The following SUGCT variants were observed in gnomAD, a reference collection of about 807,000 sequenced individuals.
SUGCT encodes succinyl-CoA:glutarate-CoA transferase.
In SUGCT, 41 loss-of-function variants were observed where a neutral mutation model predicts 55.0. The ratio of observed to expected loss-of-function variants is 0.74; its 90% CI spans 0.58 to 0.97. SUGCT has a LOEUF of 0.97. Among genes scored for constraint, SUGCT ranks in the 50% least tolerant of loss-of-function variants. SUGCT has a pLI of 0.00. For missense variants in SUGCT, 568 were observed against 547.8 expected (o/e 1.04, Z -0.37); for synonymous variants, 187 against 200.4 (o/e 0.93, Z 0.56).
chr7:40,228,182 C>T (rs1788501954), intron 6 of SUGCT, among the ~76,000 whole-genome samples: 1 of 152,020 alleles, frequency 6.6e-6, no homozygotes, highest in South Asian at 2.1e-4. Context: ...TGCACCTGGT[C>T]TTTCTTTCTT....
At chr7:41,015,544 A>G in the SUGCT span, among the ~76,000 whole-genome samples, 2 of 152,210 alleles carry the variant, frequency 1.3e-5, no homozygotes, top group East Asian at 3.8e-4. Flanking sequence ...TGTATTTTTA[A>G]GGGCTTCCCA....
At chr7:40,496,520 C>A in intron 12 of SUGCT, 134 bp downstream of exon 12, 1 of 682,476 alleles carries the variant, frequency 1.5e-6, no homozygotes, top group Non-Finnish European at 2.6e-6. Context: ...GTTTGTGGGT[C>A]TGAGATAAAA....
chr7:40,563,283 T>C (rs577210017), intron 12 of SUGCT, among the ~76,000 whole-genome samples: 7 of 152,232 alleles, frequency 4.6e-5, no homozygotes, highest in Non-Finnish European at 8.8e-5. Context: ...CCTGCTTTTA[T>C]GGTAGCTGCT....
intron 12 of SUGCT, among the ~76,000 whole-genome samples, chr7:40,616,224 C>G (rs1262798196): frequency 6.6e-6 from 1 of 151,540 alleles, no homozygotes; most frequent in Non-Finnish European, 1.5e-5. Context: ...GAGATGGAGT[C>G]TTACTCTGTG....
chr7:40,182,280 G>C (rs1562558256), intron 3 of SUGCT, among the ~76,000 whole-genome samples: 2 of 152,110 alleles, frequency 1.3e-5, no homozygotes, highest in Non-Finnish European at 2.9e-5. Flanking sequence ...TTTGTTAGAA[G>C]CTGAGGCTGG....
intron 1 of SUGCT, among the ~76,000 whole-genome samples, chr7:40,149,351 T>C (rs963947678): frequency 2.0e-5 from 3 of 152,208 alleles, no homozygotes; most frequent in Non-Finnish European, 4.4e-5. Context: ...TTCCTGGGTG[T>C]AGGCTGAACT....
At chr7:40,449,254 A>C in intron 9 of SUGCT, 33 bp from the exon 10 acceptor site, 6 of 1,456,892 alleles carry the variant, frequency 4.1e-6, no homozygotes, top group Non-Finnish European at 5.7e-6. Context: ...TCAACATATA[A>C]ATAATATTTA....
the SUGCT span, among the ~76,000 whole-genome samples, chr7:40,903,290 C>A: frequency 6.6e-6 from 1 of 152,108 alleles, no homozygotes; most frequent in Admixed American, 6.5e-5. Context: ...CCAGGCAGAA[C>A]AGGTATCACT....
chr7:40,437,969 T>C (rs897670918), intron 9 of SUGCT, among the ~76,000 whole-genome samples: 1 of 152,124 alleles, frequency 6.6e-6, no homozygotes, highest in African/African-American at 2.4e-5. Context: ...TGAAGTAACT[T>C]AAGAAGATAA....
the SUGCT span, among the ~76,000 whole-genome samples, chr7:41,024,635 A>G: frequency 6.8e-6 from 1 of 147,182 alleles, no homozygotes; most frequent in African/African-American, 2.6e-5. Context: ...CAGCAATGAA[A>G]TGTCTCTTCA....
intron 12 of SUGCT, among the ~76,000 whole-genome samples, chr7:40,528,919 T>G (rs1373126668): frequency 1.3e-5 from 2 of 152,200 alleles, no homozygotes; most frequent in African/African-American, 4.8e-5. Flanking sequence ...ACCTTTTGTT[T>G]GCAAAAGCCA....
Position 40,469,856 on chromosome 7 carries a change from A to T in SUGCT, c.986+10658A>T, listed in dbSNP as rs550575997. On this transcript the variant is annotated intron_variant, in intron 11 of 13. Coordinates refer to ENST00000335693, the MANE Select transcript of SUGCT (RefSeq NM_001193313.2). ...GATGGGAGGGAGTCCAGTAAACTCT[A>T]TTTCCCTGGATAAAACATTTAATAC... Among the ~76,000 whole-genome samples the T allele has an allele frequency of 7.2e-5, 11 of 152,182 alleles. No homozygotes were observed. In the South Asian group the frequency reaches 2.1e-3, roughly 29 times the overall value.
chr7:40,245,143 C>G (rs947647946), intron 7 of SUGCT, among the ~76,000 whole-genome samples: 1 of 151,048 alleles, frequency 6.6e-6, no homozygotes, highest in African/African-American at 2.4e-5. Context: ...CAACCTTCGC[C>G]TCCCAGATTC....
the SUGCT span, among the ~76,000 whole-genome samples, chr7:40,990,343 A>C: frequency 6.6e-6 from 1 of 152,212 alleles, no homozygotes; most frequent in Non-Finnish European, 1.5e-5. Flanking sequence ...TAATAAAAGG[A>C]ATCTTTTTCT....
intron 12 of SUGCT, among the ~76,000 whole-genome samples, chr7:40,500,415 C>T (rs1196074962): frequency 2.0e-5 from 3 of 152,176 alleles, no homozygotes; most frequent in African/African-American, 7.2e-5. Flanking sequence ...GTGCCAAACA[C>T]CTGCAGGCTC....
intron 12 of SUGCT, among the ~76,000 whole-genome samples, chr7:40,634,390 G>A (rs1261279339): frequency 6.6e-6 from 1 of 152,092 alleles, no homozygotes; most frequent in Non-Finnish European, 1.5e-5. Flanking sequence ...GAAATGATGT[G>A]GCCCAGAGAG....
chr7:40,698,550 CTA>C (rs745308934), intron 12 of SUGCT, among the ~76,000 whole-genome samples: 1 of 152,178 alleles, frequency 6.6e-6, no homozygotes, highest in Non-Finnish European at 1.5e-5. Context: ...GCTGTGGAGA[CTA>C]CACTGATGCC....
chr7:40,175,108 C>T (rs1269917355), intron 1 of SUGCT, among the ~76,000 whole-genome samples: 1 of 152,052 alleles, frequency 6.6e-6, no homozygotes, highest in African/African-American at 2.4e-5. Flanking sequence ...TTCTTTCTTA[C>T]TGATATGTGA....
At chr7:40,844,587 T>C (rs1793460309) in intron 13 of SUGCT, among the ~76,000 whole-genome samples, 1 of 151,916 alleles carries the variant, frequency 6.6e-6, no homozygotes, top group Non-Finnish European at 1.5e-5. Flanking sequence ...GGGGTTTTTA[T>C]GGGTACAGGG....
Sources: allele counts gnomAD v4.1 joint callset (sites outside exome capture counted in the v4.1 genomes callset), GRCh38; gene constraint gnomAD v4.1.1; transcripts MANE v1.5; gene names NCBI Gene and HGNC (gene_info 2026-07-23, HGNC 2026-07-21).